OPCML: variants seen among roughly 807,000 people sequenced by gnomAD.
OPCML encodes opioid-binding protein/cell adhesion molecule.
In OPCML, 13 loss-of-function variants were observed where a neutral mutation model predicts 37.8. The observed-to-expected ratio is 0.34, with a 90% CI of 0.22 to 0.55. The LOEUF is 0.55. Ranked by LOEUF, OPCML falls within the 20% of genes least tolerant of loss-of-function variation. OPCML has a pLI of 0.91. For synonymous variants in OPCML, 176 were observed against 168.8 expected (o/e 1.04, Z -0.33); for missense variants, 341 against 435.6 (o/e 0.78, Z 1.93).
chr11:133,030,368 T>C (rs1947644200), intron 1 of OPCML, among the ~76,000 whole-genome samples: 1 of 152,292 alleles, frequency 6.6e-6, no homozygotes, highest in South Asian at 2.1e-4. Context: ...TAATGGTAGA[T>C]GGGAAATAAT....
At chr11:133,189,522 C>T (rs938666611) in intron 1 of OPCML, among the ~76,000 whole-genome samples, 1 of 152,122 alleles carries the variant, frequency 6.6e-6, no homozygotes, top group African/African-American at 2.4e-5. Context: ...AATGTAGTAT[C>T]CATTGTTATA....
intron 1 of OPCML, among the ~76,000 whole-genome samples, chr11:133,432,377 T>A (rs1334715183): frequency 6.6e-6 from 1 of 152,194 alleles, no homozygotes; most frequent in East Asian, 1.9e-4. Flanking sequence ...AAACACACTT[T>A]TTTAGAAATG....
intron 1 of OPCML, among the ~76,000 whole-genome samples, chr11:133,181,621 C>A (rs895063713): frequency 5.9e-5 from 9 of 152,278 alleles, no homozygotes; most frequent in African/African-American, 2.2e-4. Context: ...CAGCTACTGA[C>A]ACTGTGCTAA....
chr11:133,207,577 C>T (rs1434844369), intron 1 of OPCML, among the ~76,000 whole-genome samples: 3 of 152,122 alleles, frequency 2.0e-5, no homozygotes, highest in Admixed American at 6.6e-5. Flanking sequence ...TGTGAAACGG[C>T]GGCGGTTGGG....
intron 1 of OPCML, among the ~76,000 whole-genome samples, chr11:133,319,922 C>T (rs928984565): frequency 6.6e-6 from 1 of 152,164 alleles, no homozygotes; most frequent in African/African-American, 2.4e-5. Flanking sequence ...TTTGGAATTT[C>T]CAAGGCATAT....
At chr11:132,700,252 CTG>C (rs909853900) in intron 2 of OPCML, among the ~76,000 whole-genome samples, 1 of 151,982 alleles carries the variant, frequency 6.6e-6, no homozygotes, top group African/African-American at 2.4e-5. Context: ...AAAAACAACT[CTG>C]TTTTAAATTG....
intron 1 of OPCML, among the ~76,000 whole-genome samples, chr11:133,107,543 G>C (rs941895076): frequency 7.2e-5 from 11 of 152,196 alleles, no homozygotes; most frequent in Non-Finnish European, 1.6e-4. Flanking sequence ...ACCAGAGCCA[G>C]ATTTTCTGTT....
At chr11:132,682,574 G>A (rs1565772469) in intron 2 of OPCML, among the ~76,000 whole-genome samples, 1 of 152,110 alleles carries the variant, frequency 6.6e-6, no homozygotes, top group African/African-American at 2.4e-5. Context: ...TTAGAACCAA[G>A]GTCTGCTTAT....
chr11:132,667,770 G>T (rs942977416), intron 2 of OPCML, among the ~76,000 whole-genome samples: 2 of 152,194 alleles, frequency 1.3e-5, no homozygotes, highest in Non-Finnish European at 2.9e-5. Flanking sequence ...GCAAAAAAGT[G>T]AAATAACTAT....
intron 1 of OPCML, among the ~76,000 whole-genome samples, chr11:133,012,882 A>G (rs572960952): frequency 1.3e-5 from 2 of 151,808 alleles, no homozygotes; most frequent in African/African-American, 2.4e-5. Flanking sequence ...AAAAAAAAAA[A>G]AAAAAGAAAA....
At chr11:133,113,209 C>T (rs1318112248) in intron 1 of OPCML, among the ~76,000 whole-genome samples, 1 of 152,190 alleles carries the variant, frequency 6.6e-6, no homozygotes, top group Non-Finnish European at 1.5e-5. Context: ...CCATCTCTTT[C>T]CATCTGCCTT....
intron 2 of OPCML, among the ~76,000 whole-genome samples, chr11:132,776,962 A>C (rs1946830031): frequency 6.6e-6 from 1 of 152,082 alleles, no homozygotes; most frequent in Non-Finnish European, 1.5e-5. Flanking sequence ...CACCAAAGGA[A>C]CTTGGGGTCC....
chr11:132,789,751 A>G (rs1937768400), intron 2 of OPCML, among the ~76,000 whole-genome samples: 1 of 152,216 alleles, frequency 6.6e-6, no homozygotes, highest in Admixed American at 6.5e-5. Context: ...ATTATCTCGT[A>G]AACTGTTCAA....
At chr11:133,026,543 T>C in intron 1 of OPCML, 1 of 985,444 alleles carries the variant, frequency 1.0e-6, no homozygotes, top group Non-Finnish European at 1.2e-6. Flanking sequence ...TAGAAATCTC[T>C]CCTTTCCAAA....
intron 1 of OPCML, among the ~76,000 whole-genome samples, chr11:133,140,570 G>GAAGAAGA (rs1337836717): frequency 7.2e-6 from 1 of 139,258 alleles, no homozygotes; most frequent in African/African-American, 2.9e-5. Flanking sequence ...AGAAGAAGAA[G>GAAGAAGA]AAGAAGAAAG....
At chr11:133,269,902 T>G (rs922953669) in intron 1 of OPCML, among the ~76,000 whole-genome samples, 1 of 152,144 alleles carries the variant, frequency 6.6e-6, no homozygotes. Flanking sequence ...AAGAAATGAA[T>G]AAAAAGAAAA....
At chr11:132,616,760 T>G (rs1939053658) in intron 3 of OPCML, among the ~76,000 whole-genome samples, 1 of 152,224 alleles carries the variant, frequency 6.6e-6, no homozygotes, top group African/African-American at 2.4e-5. Context: ...ATTAGGCACT[T>G]TGCTACACAC....
chr11:133,458,217 CA>C (rs1946725699), intron 1 of OPCML, among the ~76,000 whole-genome samples: 1 of 116,556 alleles, frequency 8.6e-6, no homozygotes, highest in South Asian at 2.5e-4. Flanking sequence ...TGTATATATA[CA>C]CATATATACA....
intron 2 of OPCML, among the ~76,000 whole-genome samples, chr11:132,809,991 A>G (rs1456773879): frequency 6.6e-6 from 1 of 152,046 alleles, no homozygotes; most frequent in African/African-American, 2.4e-5. Flanking sequence ...CCGGGACTAC[A>G]GGCGCCCGCC....
Sources: allele counts gnomAD v4.1 joint callset (sites outside exome capture counted in the v4.1 genomes callset), GRCh38; gene constraint gnomAD v4.1.1; transcripts MANE v1.5; gene names NCBI Gene and HGNC (gene_info 2026-07-23, HGNC 2026-07-21).